ROBO1: variants seen among roughly 807,000 people sequenced by gnomAD.
The protein encoded by ROBO1 is roundabout homolog 1.
Under a neutral mutation model 195.9 loss-of-function variants are expected in ROBO1, and 149 were observed. That is an observed-to-expected ratio of 0.76 (90% CI 0.67 to 0.87). ROBO1 has a LOEUF of 0.87. ROBO1 is among the 40% of genes least tolerant of loss of function. ROBO1 has a pLI of 0.00. For missense variants in ROBO1, 1,933 were observed against 2,068.3 expected (o/e 0.93, Z 1.27); for synonymous variants, 816 against 733.2 (o/e 1.11, Z -1.82).
rs148077631 is a variant in ROBO1 at position 79,413,347 on chromosome 3, G to A, written c.88+176477C>T. On this transcript the variant is annotated intron_variant, in intron 2 of 30. Coordinates refer to ENST00000464233, the MANE Select transcript of ROBO1 (RefSeq NM_002941.4). Reference sequence around the variant, plus strand: ...GCTGGGTATAAGGCAAGAGGGATAGGAGGAGATTGTGGCCAGGTGCAGAGA... The same window carrying A: ...GCTGGGTATAAGGCAAGAGGGATAGAAGGAGATTGTGGCCAGGTGCAGAGA... 1.2e-3 allele frequency among the ~76,000 whole-genome samples: 185 copies of A among 152,190 alleles called. No homozygotes were observed. In the Middle Eastern group the frequency reaches 0.014, roughly 11 times the overall value.
At chr3:79,590,194 T>C (rs1943954877) in intron 1 of ROBO1, among the ~76,000 whole-genome samples, 1 of 151,828 alleles carries the variant, frequency 6.6e-6, no homozygotes, top group Non-Finnish European at 1.5e-5. Context: ...TAGATATTAA[T>C]CATAAATGAT....
intron 10 of ROBO1, among the ~76,000 whole-genome samples, chr3:78,674,374 C>T (rs1708268798): frequency 6.6e-6 from 1 of 152,222 alleles, no homozygotes; most frequent in Non-Finnish European, 1.5e-5. Context: ...CCAAAGTACT[C>T]TGCCTACTAG....
chr3:79,364,128 C>G (rs1179094737), intron 2 of ROBO1, among the ~76,000 whole-genome samples: 3 of 151,010 alleles, frequency 2.0e-5, no homozygotes, highest in Non-Finnish European at 4.4e-5. Context: ...GGCGTGAACC[C>G]GGGAGGCGGA....
intron 3 of ROBO1, among the ~76,000 whole-genome samples, chr3:78,968,231 G>T (rs866483290): frequency 1.9e-4 from 28 of 149,880 alleles, no homozygotes; most frequent in African/African-American, 6.1e-4. Flanking sequence ...CAGGAGTCAT[G>T]AAATGGAAAA....
chr3:79,600,516 A>G (rs901379483), intron 1 of ROBO1, among the ~76,000 whole-genome samples: 1 of 151,936 alleles, frequency 6.6e-6, no homozygotes, highest in African/African-American at 2.4e-5. Context: ...TAGCTGGCAA[A>G]TCCTGGGATT....
intron 2 of ROBO1, among the ~76,000 whole-genome samples, chr3:79,551,955 C>A (rs9862682): frequency 0.23 from 29,145 of 125,510 alleles, 3,990 homozygotes; most frequent in African/African-American, 0.36. Context: ...TCTTCAGCTC[C>A]TGTCCTTTGA....
intron 1 of ROBO1, among the ~76,000 whole-genome samples, chr3:79,664,826 G>A (rs1473036544): frequency 2.6e-5 from 4 of 151,938 alleles, no homozygotes; most frequent in Admixed American, 6.6e-5. Flanking sequence ...AATGCCTTCC[G>A]GTACTGTAGG....
At chr3:79,222,124 C>T (rs1266815767) in intron 2 of ROBO1, among the ~76,000 whole-genome samples, 2 of 151,978 alleles carry the variant, frequency 1.3e-5, no homozygotes, top group Admixed American at 1.3e-4. Context: ...CATCTTTTTC[C>T]TGTGATACCA....
At chr3:79,033,240 T>C (rs2078326925) in intron 3 of ROBO1, among the ~76,000 whole-genome samples, 1 of 152,126 alleles carries the variant, frequency 6.6e-6, no homozygotes, top group Non-Finnish European at 1.5e-5. Context: ...ATGGTCCAAT[T>C]GTTGGCACAT....
intron 2 of ROBO1, among the ~76,000 whole-genome samples, chr3:79,558,200 C>T (rs1193610825): frequency 6.6e-6 from 1 of 152,012 alleles, no homozygotes; most frequent in Non-Finnish European, 1.5e-5. Context: ...CCTGCCTTCC[C>T]CTTCCAACTT....
chr3:78,875,567 C>T (rs965582339), intron 4 of ROBO1, among the ~76,000 whole-genome samples: 3 of 151,936 alleles, frequency 2.0e-5, no homozygotes, highest in Non-Finnish European at 4.4e-5. Flanking sequence ...CAATTGCATG[C>T]ACTCGGAATA....
intron 3 of ROBO1, among the ~76,000 whole-genome samples, chr3:79,092,153 C>A (rs1431916030): frequency 6.6e-6 from 1 of 152,168 alleles, no homozygotes; most frequent in Non-Finnish European, 1.5e-5. Context: ...TGTTAATACA[C>A]GTATTTGAAG....
At chr3:79,504,099 A>G (rs1045941458) in intron 2 of ROBO1, among the ~76,000 whole-genome samples, 2 of 152,166 alleles carry the variant, frequency 1.3e-5, no homozygotes, top group Non-Finnish European at 2.9e-5. Context: ...AAAATTAACA[A>G]TTATAACAAT....
chr3:79,370,087 G>T (rs2036134368), intron 2 of ROBO1, among the ~76,000 whole-genome samples: 2 of 152,086 alleles, frequency 1.3e-5, no homozygotes, highest in African/African-American at 4.8e-5. Flanking sequence ...TTGGGCAGTG[G>T]CTCATGACTG....
chr3:79,206,842 C>A (rs2081876820), intron 2 of ROBO1, among the ~76,000 whole-genome samples: 1 of 151,938 alleles, frequency 6.6e-6, no homozygotes, highest in South Asian at 2.1e-4. Context: ...TAATTTTAAC[C>A]ATGTTATAAA....
rs545299780 is a variant in ROBO1 at position 78,908,567 on chromosome 3, T to C, written c.499+30034A>G. Among the ~76,000 whole-genome samples, 3 of 152,106 alleles carry C rather than the reference T, an allele frequency of 2.0e-5. No homozygotes were observed. The East Asian group carries it at 5.8e-4, about 29-fold the overall frequency. ...GCACTAATTGTGGTTCTTTTTCCTT[T>C]ACCACTTTCTGTGCTCATTAGAATC... On this transcript the variant is annotated intron_variant, in intron 4 of 30. Transcript: ENST00000464233.
At chr3:79,043,557 TA>T (rs907383962) in intron 3 of ROBO1, among the ~76,000 whole-genome samples, 2 of 151,828 alleles carry the variant, frequency 1.3e-5, no homozygotes, top group African/African-American at 2.4e-5. Context: ...GATTTTTTTT[TA>T]AAAAAACTCC....
At chr3:79,422,163 CAT>C in intron 2 of ROBO1, among the ~76,000 whole-genome samples, 1 of 147,530 alleles carries the variant, frequency 6.8e-6, no homozygotes, top group East Asian at 2.0e-4. Context: ...ATATACAATA[CAT>C]ATCTTATGTA....
chr3:79,285,212 T>TA (rs996328672), intron 2 of ROBO1, among the ~76,000 whole-genome samples: 3 of 152,132 alleles, frequency 2.0e-5, no homozygotes, highest in East Asian at 1.9e-4. Flanking sequence ...GTTTTGGCTA[T>TA]AAAAAAAGCA....
Sources: allele counts gnomAD v4.1 joint callset (sites outside exome capture counted in the v4.1 genomes callset), GRCh38; gene constraint gnomAD v4.1.1; transcripts MANE v1.5; gene names NCBI Gene and HGNC (gene_info 2026-07-23, HGNC 2026-07-21).